The following FRAS1 variants were observed in gnomAD, a reference collection of about 807,000 sequenced individuals.
The protein encoded by FRAS1 is Fraser extracellular matrix complex subunit 1, also known as extracellular matrix organizing protein FRAS1.
In FRAS1, 290 loss-of-function variants were observed where a neutral mutation model predicts 435.2. The ratio of observed to expected loss-of-function variants is 0.67; its 90% confidence interval spans 0.61 to 0.73. FRAS1 has a LOEUF of 0.73. Among genes scored for constraint, FRAS1 ranks in the 30% least tolerant of loss-of-function variants. The pLI is 0.00. For synonymous variants in FRAS1, 1,800 were observed against 1,851.0 expected (o/e 0.97, Z 0.71); for missense variants, 4,860 against 5,001.5 (o/e 0.97, Z 0.85).
At chr4:78,527,317 TATTCATTCATTC>T (rs56229743) in intron 70 of FRAS1, among the ~76,000 whole-genome samples, 3 of 150,652 alleles carry the variant, frequency 2.0e-5, no homozygotes, top group East Asian at 2.0e-4. Context: ...TTGTGCTGTA[TATTCATTCATTC>T]ATTCATTCAT....
chr4:78,305,483 T>A (rs1728663163), intron 14 of FRAS1, among the ~76,000 whole-genome samples: 2 of 150,002 alleles, frequency 1.3e-5, no homozygotes, highest in Non-Finnish European at 1.5e-5. Flanking sequence ...CCCATTATTA[T>A]TGTGTGGGAG....
chr4:78,493,043 A>G (rs1720409829), intron 59 of FRAS1, among the ~76,000 whole-genome samples: 1 of 151,394 alleles, frequency 6.6e-6, no homozygotes, highest in Non-Finnish European at 1.5e-5. Flanking sequence ...GCCAACAAAC[A>G]AATGAAGAAA....
chr4:78,358,713 A>C (rs1730960907), intron 20 of FRAS1, among the ~76,000 whole-genome samples: 1 of 152,226 alleles, frequency 6.6e-6, no homozygotes, highest in Non-Finnish European at 1.5e-5. Context: ...ATGCAGACAA[A>C]GATTTATGCA....
At chr4:78,093,293 G>C (rs550798758) in intron 2 of FRAS1, among the ~76,000 whole-genome samples, 1 of 152,138 alleles carries the variant, frequency 6.6e-6, no homozygotes, top group African/African-American at 2.4e-5. Context: ...CTGTGCAGGC[G>C]CCATGAAAAA....
intron 9 of FRAS1, among the ~76,000 whole-genome samples, chr4:78,273,164 G>T (rs1726803306): frequency 6.6e-6 from 1 of 152,170 alleles, no homozygotes; most frequent in African/African-American, 2.4e-5. Flanking sequence ...TATCGATTTT[G>T]TATCCTGAGA....
At chr4:78,306,219 G>T (rs60748518) in intron 14 of FRAS1, among the ~76,000 whole-genome samples, 6,223 of 151,540 alleles carry the variant, frequency 0.041, 354 homozygotes, top group African/African-American at 0.13. Context: ...GTAGAGTTTC[G>T]GCCAAGAGAT....
At chr4:78,269,455 C>G (rs1201848487) in intron 9 of FRAS1, among the ~76,000 whole-genome samples, 1 of 152,110 alleles carries the variant, frequency 6.6e-6, no homozygotes, top group East Asian at 1.9e-4. Flanking sequence ...TCTTGGATAC[C>G]AAGGATGGAT....
chr4:78,505,086 A>G (rs1720792083), intron 61 of FRAS1, among the ~76,000 whole-genome samples: 3 of 152,226 alleles, frequency 2.0e-5, no homozygotes, highest in Admixed American at 2.0e-4. Context: ...GGTTTCTGCC[A>G]GGAGATCTGC....
At chr4:78,200,535 G>T (rs1370523084) in intron 2 of FRAS1, among the ~76,000 whole-genome samples, 1 of 152,174 alleles carries the variant, frequency 6.6e-6, no homozygotes, top group Non-Finnish European at 1.5e-5. Flanking sequence ...CGTACTTGGA[G>T]GCTGTCTTTC....
chr4:78,142,166 G>C (rs181539063), intron 2 of FRAS1, among the ~76,000 whole-genome samples: 4 of 152,026 alleles, frequency 2.6e-5, no homozygotes, highest in African/African-American at 9.6e-5. Context: ...CTTGGGAGAG[G>C]GGCTGGTAAA....
At chr4:78,411,108 A>ATTTTTTTTT (rs369399937) in intron 31 of FRAS1, among the ~76,000 whole-genome samples, 6 of 142,854 alleles carry the variant, frequency 4.2e-5, no homozygotes, top group Non-Finnish European at 4.5e-5. Context: ...AGTTGCATGG[A>ATTTTTTTTT]TTTTTTTTCT....
At chr4:78,060,202 T>C (rs751575198) in intron 1 of FRAS1, among the ~76,000 whole-genome samples, 1 of 152,180 alleles carries the variant, frequency 6.6e-6, no homozygotes, top group Non-Finnish European at 1.5e-5. Flanking sequence ...CAAAAAAACA[T>C]TTGTCATCTG....
At chr4:78,408,233 C>T (rs113530849) in intron 31 of FRAS1, among the ~76,000 whole-genome samples, 3,041 of 151,680 alleles carry the variant, frequency 0.02, 106 homozygotes, top group African/African-American at 0.069. Context: ...TGTCTCCCAC[C>T]GGGTCCCTCC....
chr4:78,417,760 A>C (rs1300439379), intron 32 of FRAS1, among the ~76,000 whole-genome samples: 2 of 152,188 alleles, frequency 1.3e-5, no homozygotes, highest in Non-Finnish European at 2.9e-5. Context: ...ACCCTCCTCT[A>C]TGAGCATTAC....
intron 2 of FRAS1, among the ~76,000 whole-genome samples, chr4:78,090,375 TTCAAGACTA>T (rs1741452861): frequency 6.6e-6 from 1 of 152,210 alleles, no homozygotes; most frequent in Admixed American, 6.5e-5. Flanking sequence ...CAGTTGAGTA[TTCAAGACTA>T]TTAGGAAGGT....
chr4:78,502,103 C>A (rs1350744739), intron 61 of FRAS1, among the ~76,000 whole-genome samples: 1 of 152,182 alleles, frequency 6.6e-6, no homozygotes, highest in African/African-American at 2.4e-5. Context: ...CAGTACCATG[C>A]TGTTTTGGTT....
At chr4:78,246,205 A>G (rs957406147) in intron 4 of FRAS1, among the ~76,000 whole-genome samples, 1 of 152,320 alleles carries the variant, frequency 6.6e-6, no homozygotes, top group South Asian at 2.1e-4. Context: ...GTTGAATATG[A>G]TGGAAAGAGA....
At chr4:78,372,277 G>A (rs1006684476) in intron 23 of FRAS1, among the ~76,000 whole-genome samples, 1 of 152,204 alleles carries the variant, frequency 6.6e-6, no homozygotes, top group South Asian at 2.1e-4. Context: ...ATTGGTGGCA[G>A]CAGATGCATT....
At chr4:78,243,058 G>A (rs1391215139) in intron 3 of FRAS1, among the ~76,000 whole-genome samples, 10 of 152,174 alleles carry the variant, frequency 6.6e-5, no homozygotes, top group Non-Finnish European at 1.5e-5. Flanking sequence ...GATTTCTGGA[G>A]AATATGTCTG....
Sources: gnomAD v4.1 joint callset for allele counts (sites outside exome capture counted in the v4.1 genomes callset) on GRCh38, gnomAD v4.1.1 for gene constraint, MANE v1.5 for transcripts, NCBI Gene and HGNC (gene_info 2026-07-23, HGNC 2026-07-21) for gene names.